Variants in BMPER observed in about 807,000 individuals in gnomAD.
BMPER encodes BMP-binding endothelial regulator protein.
Under a neutral mutation model 87.3 loss-of-function variants are expected in BMPER, and 45 were observed. The ratio of observed to expected loss-of-function variants is 0.52; its 90% confidence interval spans 0.41 to 0.66. The LOEUF is 0.66. Among genes scored for constraint, BMPER ranks in the 30% least tolerant of loss-of-function variants. The pLI, the probability that BMPER is intolerant of heterozygous loss-of-function variation, is 0.00. For missense variants in BMPER, 784 were observed against 867.5 expected (o/e 0.90, Z 1.21); for synonymous variants, 326 against 316.2 (o/e 1.03, Z -0.33).
intron 6 of BMPER, among the ~76,000 whole-genome samples, chr7:33,991,813 T>G (rs1393455803): frequency 2.0e-5 from 3 of 148,172 alleles, no homozygotes; most frequent in South Asian, 2.3e-4. Context: ...TCTGGTATGT[T>G]GTGTCTTTGT....
chr7:34,002,663 C>A (rs78305468), intron 6 of BMPER, among the ~76,000 whole-genome samples: 66 of 151,760 alleles, frequency 4.3e-4, no homozygotes, highest in African/African-American at 1.5e-3. Context: ...TTCTTCAATT[C>A]TTTCAGTTTT....
intron 2 of BMPER, among the ~76,000 whole-genome samples, chr7:33,918,790 A>T (rs1585634574): frequency 6.6e-6 from 1 of 152,162 alleles, no homozygotes; most frequent in Admixed American, 6.5e-5. Flanking sequence ...GCCCAGTGGG[A>T]CCCACCAGAG....
chr7:34,107,465 T>C (rs943246076), intron 13 of BMPER, among the ~76,000 whole-genome samples: 10 of 152,092 alleles, frequency 6.6e-5, no homozygotes, highest in African/African-American at 2.4e-4. Context: ...CCTCAGAGAG[T>C]AGCTCTGACT....
In BMPER at chr7:34,079,081, C is replaced by T. The variant is rs960957062; in HGVS notation, c.1303C>T (p.His435Tyr). ...CGAGAGCAGGGTCAGCCTGCAGCAG[C>T]ACCTCACCGTGCGCTGGAACGGCTC... is the stretch of plus-strand genomic sequence containing the variant. Reference protein sequence around the residue: ...LGESRVSLQQHLTVRWNGSRI... With the variant: ...LGESRVSLQQYLTVRWNGSRI... The change falls in exon 12 of 15, where the codon CAC (histidine) becomes TAC (tyrosine). Residue 435 changes from histidine to tyrosine, a missense_variant. By Grantham distance (83) the His-to-Tyr change is moderately conservative. Coordinates refer to ENST00000649409, the MANE Select transcript of BMPER (RefSeq NM_001365308.1). 3.1e-6 allele frequency: 5 copies of T among 1,613,976 alleles called. No individual in the cohort carries two copies. The African/African-American group carries it at 6.7e-5, about 22-fold the overall frequency.
chr7:34,065,235 T>TCTCTCTCTCTCTCTCTCC (rs1562720511), intron 11 of BMPER, among the ~76,000 whole-genome samples: 6 of 149,836 alleles, frequency 4.0e-5, no homozygotes, highest in South Asian at 2.2e-4. Context: ...TCTCTCTCTC[T>TCTCTCTCTCTCTCTCTCC]CTCTCTCTCT....
At chr7:33,943,723 G>A (rs892905226) in intron 3 of BMPER, among the ~76,000 whole-genome samples, 4 of 152,154 alleles carry the variant, frequency 2.6e-5, no homozygotes, top group African/African-American at 4.8e-5. Context: ...GGTGTCACAC[G>A]TGGCAAAATT....
chr7:33,961,538 G>A (rs759147101), intron 3 of BMPER, among the ~76,000 whole-genome samples: 3 of 152,200 alleles, frequency 2.0e-5, no homozygotes, highest in Non-Finnish European at 2.9e-5. Flanking sequence ...CCAGGCAGGC[G>A]AGAAATAACC....
chr7:33,918,303 G>A (rs531620161), intron 2 of BMPER, among the ~76,000 whole-genome samples: 37 of 152,296 alleles, frequency 2.4e-4, no homozygotes, highest in Non-Finnish European at 4.3e-4. Context: ...GATACTGGGG[G>A]ACCCAGTTTC....
rs1425125137 is a variant in BMPER, at chr7:33,990,011, T to C, written c.576+15227T>C. 2.6e-5 allele frequency among the ~76,000 whole-genome samples: 4 copies of C among 152,008 alleles called. No individual in the cohort carries two copies. In the East Asian group the frequency reaches 7.7e-4, roughly 29 times the overall value. On this transcript the variant is annotated intron_variant, in intron 6 of 14. Transcript: ENST00000649409. ...GGTACCAGTACCATGCTGTTTTGGT[T>C]ACTGTAGCCTTGTAGTATAGTTTGA...
In BMPER at chr7:33,906,811, A is replaced by G. The variant is rs755837986; in HGVS notation, c.134-7A>G. The G allele has an allele frequency of 3.1e-6, 5 of 1,611,700 alleles. No individual in the cohort carries two copies. The South Asian group carries it at 5.5e-5, about 18-fold the overall frequency. On this transcript the variant is annotated splice_region_variant and splice_polypyrimidine_tract_variant and intron_variant, in intron 1 of 14. Transcript: ENST00000649409. ...TAAATGAAACATTTTTCCCCCCTGA[A>G]TTTCAGGTTCTGTTGCAAAATGTGA...
intron 2 of BMPER, among the ~76,000 whole-genome samples, chr7:33,922,985 C>A (rs1209116222): frequency 6.6e-6 from 1 of 152,144 alleles, no homozygotes; most frequent in Non-Finnish European, 1.5e-5. Context: ...GCTTGTTTCT[C>A]CATTGACCTC....
intron 6 of BMPER, among the ~76,000 whole-genome samples, chr7:33,977,099 G>A (rs1157470079): frequency 2.0e-5 from 3 of 152,192 alleles, no homozygotes; most frequent in African/African-American, 7.2e-5. Flanking sequence ...GAGAAACAAT[G>A]GAGTTCTTGC....
chr7:34,056,510 A>G (rs1027952456), intron 9 of BMPER, among the ~76,000 whole-genome samples: 6 of 152,028 alleles, frequency 3.9e-5, no homozygotes, highest in Non-Finnish European at 8.8e-5. Context: ...ACTTTCAGAG[A>G]TGCTCATATG....
At chr7:34,139,629 T>C (rs117490744) in intron 13 of BMPER, among the ~76,000 whole-genome samples, 1,827 of 152,366 alleles carry the variant, frequency 0.012, 12 homozygotes, top group Non-Finnish European at 0.018. Context: ...GAGCTTTCCG[T>C]TGGATTTGGT....
chr7:34,014,536 C>T (rs992047423), intron 6 of BMPER, among the ~76,000 whole-genome samples: 3 of 151,934 alleles, frequency 2.0e-5, no homozygotes, highest in Admixed American at 2.0e-4. Flanking sequence ...GCAGCCCATT[C>T]ATCCCTGTAG....
rs541717998 is a variant in BMPER at position 33,973,394 on chromosome 7, T to C, written c.494-1308T>C. ...CTGAGAATACCAAGGAGCTGGTTGATTGCTAACTCTGCAAGTCAGTAGCAT... is the reference window on the plus strand; with the variant it reads ...CTGAGAATACCAAGGAGCTGGTTGACTGCTAACTCTGCAAGTCAGTAGCAT... On this transcript the variant is annotated intron_variant, in intron 5 of 14. Coordinates refer to ENST00000649409, the MANE Select transcript of BMPER (RefSeq NM_001365308.1). Among the ~76,000 whole-genome samples, 3 of 152,328 alleles carry C rather than the reference T, an allele frequency of 2.0e-5. No homozygotes were observed. In the East Asian group the frequency reaches 5.8e-4, roughly 29 times the overall value.
chr7:33,963,074 TAG>T (rs1183472315), intron 3 of BMPER, among the ~76,000 whole-genome samples: 2 of 152,250 alleles, frequency 1.3e-5, no homozygotes, highest in East Asian at 3.8e-4. Context: ...ATTCTAGTGT[TAG>T]TTTCATATCT....
chr7:33,990,180 G>T (rs959392936), intron 6 of BMPER, among the ~76,000 whole-genome samples: 58 of 150,060 alleles, frequency 3.9e-4, no homozygotes, highest in Non-Finnish European at 7.5e-4. Context: ...GATGGGGATG[G>T]CATTGAATCT....
intron 6 of BMPER, among the ~76,000 whole-genome samples, chr7:34,042,370 C>G (rs948597504): frequency 3.3e-5 from 5 of 152,114 alleles, no homozygotes; most frequent in Non-Finnish European, 5.9e-5. Flanking sequence ...TTCTTGCTGA[C>G]CAGATAAGAA....
Sources: allele counts gnomAD v4.1 joint callset (sites outside exome capture counted in the v4.1 genomes callset), GRCh38; gene constraint gnomAD v4.1.1; transcripts MANE v1.5; gene names NCBI Gene and HGNC (gene_info 2026-07-23, HGNC 2026-07-21).